SLC12A2: variants seen among roughly 807,000 people sequenced by gnomAD.
SLC12A2 encodes Na-K-2Cl cotransporter 1.
In SLC12A2, 67 loss-of-function variants were observed where a neutral mutation model predicts 136.3. The observed-to-expected ratio is 0.49, with a 90% CI of 0.40 to 0.60. The LOEUF (loss-of-function observed/expected upper bound fraction) is 0.60. Ranked by LOEUF, SLC12A2 falls within the 20% of genes least tolerant of loss-of-function variation. The pLI, the probability that SLC12A2 is intolerant of heterozygous loss-of-function variation, is 0.00. For missense variants in SLC12A2, 1,322 were observed against 1,534.7 expected (o/e 0.86, Z 2.32); for synonymous variants, 619 against 562.9 (o/e 1.10, Z -1.41).
rs17164283 is a variant in SLC12A2 at position 128,185,167 on chromosome 5, C to T, written c.3503+311C>T. On this transcript the variant is annotated intron_variant, in intron 26 of 26. Coordinates refer to ENST00000262461, the MANE Select transcript of SLC12A2 (RefSeq NM_001046.3). ...AACACTACAGCATAGCCGTTAAGCA[C>T]GTGTGGATAGGAGGGTCCTACGTTA... 4.7e-3 allele frequency among the ~76,000 whole-genome samples: 709 copies of T among 152,176 alleles called. 5 individuals are homozygous for T. The highest frequency in any genetic ancestry group is 0.016 in the African/African-American group (679 of 41,532).
chr5:128,086,445 C>T (rs1376155140), intron 1 of SLC12A2, among the ~76,000 whole-genome samples: 2 of 152,030 alleles, frequency 1.3e-5, no homozygotes, highest in Non-Finnish European at 2.9e-5. Flanking sequence ...AGAAAAAAAG[C>T]GCAATAAAAA....
At chr5:128,142,381 G>T (rs988409947) in intron 10 of SLC12A2, among the ~76,000 whole-genome samples, 1 of 152,206 alleles carries the variant, frequency 6.6e-6, no homozygotes, top group African/African-American at 2.4e-5. Context: ...GGGATGGCAG[G>T]TGTGAGCCAC....
At position 128,142,142 on chromosome 5, in the gene SLC12A2, G is replaced by A. The variant is rs193215672; in HGVS notation, c.1773+161G>A. ...TCTTGAGATAGAGTCTCACTCTGTC[G>A]CCCAGGCTGTAGTGCGGTGGTGCTA... On this transcript the variant is annotated intron_variant, in intron 10 of 26. Transcript: ENST00000262461. 3.8e-4 allele frequency among the ~76,000 whole-genome samples: 57 copies of A among 151,968 alleles called. No individual in the cohort carries two copies. In the South Asian group the frequency reaches 8.7e-3, roughly 23 times the overall value.
Position 128,161,817 on chromosome 5 carries a change from T to C in SLC12A2, c.2616+17T>C. 7.2e-7 allele frequency: 1 copy of C among 1,394,224 alleles called. No individual in the cohort carries two copies. The highest frequency in any genetic ancestry group is 9.4e-7 in the Non-Finnish European group (1 of 1,066,102). The allele number at this position is 1,394,224 out of a possible 1,614,324, so 86.4% of individuals were successfully genotyped here. On this transcript the variant is annotated intron_variant, in intron 17 of 26. Transcript: ENST00000262461. ...TTGATGCAGGTAACTTTGTTAATGC[T>C]TTTCAAATGCCTACATTTTAGATTT... is the stretch of plus-strand genomic sequence containing the variant.
chr5:128,105,099 T>C (rs1031826268), intron 1 of SLC12A2, among the ~76,000 whole-genome samples: 5 of 152,218 alleles, frequency 3.3e-5, no homozygotes, highest in Non-Finnish European at 5.9e-5. Context: ...AATTTCCCTC[T>C]CCATTTTGAC....
Position 128,083,818 on chromosome 5 carries a change from C to A in SLC12A2, c.-137C>A. On this transcript the variant is annotated 5_prime_UTR_variant, in exon 1 of 27. Transcript: ENST00000262461. ...TGGCCTCTGTGGCCGTCCAGGCTAGCGGCGGCCCGCAGGCGGCGGGGAGAA... is the reference window on the plus strand; with the variant it reads ...TGGCCTCTGTGGCCGTCCAGGCTAGAGGCGGCCCGCAGGCGGCGGGGAGAA... 1.6e-6 allele frequency: 1 copy of A among 644,456 alleles called. No individual in the cohort carries two copies. The highest frequency in any genetic ancestry group is 2.2e-6 in the Non-Finnish European group (1 of 458,716). The allele number at this position is 644,456 out of a possible 1,614,324, so 39.9% of individuals were successfully genotyped here. A position where few individuals can be genotyped will look rare whatever the true frequency, so the allele number is the denominator to read the frequency against.
intron 1 of SLC12A2, among the ~76,000 whole-genome samples, chr5:128,085,676 G>C (rs1462343650): frequency 6.6e-6 from 1 of 152,174 alleles, no homozygotes; most frequent in Non-Finnish European, 1.5e-5. Flanking sequence ...ATTTGTGAAC[G>C]CAAGAGGATG....
At chr5:128,102,596 C>CCCT (rs1561657602) in intron 1 of SLC12A2, among the ~76,000 whole-genome samples, 2 of 40,450 alleles carry the variant, frequency 4.9e-5, no homozygotes, top group Non-Finnish European at 4.9e-5. Context: ...CCCCCCCCGC[C>CCCT]TTTTTTTTTT....
intron 23 of SLC12A2, among the ~76,000 whole-genome samples, chr5:128,181,476 T>A (rs551067497): frequency 6.6e-6 from 1 of 152,336 alleles, no homozygotes; most frequent in African/African-American, 2.4e-5. Flanking sequence ...CTGTAACATG[T>A]ATATTGTACA....
At position 128,138,530 on chromosome 5, in the gene SLC12A2, C is replaced by A. The variant is rs1392707195; in HGVS notation, c.1409-67C>A. On this transcript the variant is annotated intron_variant, in intron 7 of 26. Coordinates refer to ENST00000262461, the MANE Select transcript of SLC12A2 (RefSeq NM_001046.3). ...TTAGGGGTCATGTATACCTATTATT[C>A]TTGACCTCAGTTATTATAGTCTAAT... The A allele has an allele frequency of 4.1e-6, 6 of 1,450,678 alleles. No homozygotes were observed. In the South Asian group the frequency reaches 6.7e-5, roughly 16 times the overall value. 89.9% of individuals were successfully genotyped at this position (1,450,678 alleles called of 1,614,324 possible).
intron 16 of SLC12A2, among the ~76,000 whole-genome samples, chr5:128,160,993 C>G (rs1051394472): frequency 4.6e-5 from 7 of 152,080 alleles, no homozygotes; most frequent in Non-Finnish European, 7.4e-5. Context: ...AAGACATTTA[C>G]AAATGAGACA....
chr5:128,154,069 A>C (rs943268632), intron 15 of SLC12A2, among the ~76,000 whole-genome samples: 8 of 73,984 alleles, frequency 1.1e-4, no homozygotes, highest in African/African-American at 5.3e-4. Flanking sequence ...AAAAAAAAAC[A>C]AAAAAAAAAA....
At chr5:128,119,435 C>T (rs1761472453) in intron 4 of SLC12A2, among the ~76,000 whole-genome samples, 2 of 152,184 alleles carry the variant, frequency 1.3e-5, no homozygotes, top group Non-Finnish European at 2.9e-5. Context: ...CAGCTTTCTA[C>T]ATGTGGCTAT....
chr5:128,160,920 T>C (rs1246457623), intron 16 of SLC12A2, among the ~76,000 whole-genome samples: 1 of 151,964 alleles, frequency 6.6e-6, no homozygotes, highest in Non-Finnish European at 1.5e-5. Context: ...CTGACCCCAC[T>C]TGGGACTTGT....
intron 4 of SLC12A2, among the ~76,000 whole-genome samples, chr5:128,130,050 T>G (rs1761958055): frequency 6.6e-6 from 1 of 151,796 alleles, no homozygotes; most frequent in African/African-American, 2.4e-5. Flanking sequence ...TTTTTTTTGG[T>G]CTTGGTATTC....
intron 1 of SLC12A2, among the ~76,000 whole-genome samples, chr5:128,086,394 C>T (rs1036043879): frequency 2.0e-5 from 3 of 152,096 alleles, no homozygotes; most frequent in African/African-American, 7.2e-5. Context: ...AGAAATCACC[C>T]AACCTCTTAG....
intron 11 of SLC12A2, among the ~76,000 whole-genome samples, chr5:128,147,990 G>T (rs1218684546): frequency 6.6e-6 from 1 of 151,426 alleles, no homozygotes; most frequent in Non-Finnish European, 1.5e-5. Context: ...TTGCTTTTTT[G>T]ACATTTTTAG....
At position 128,160,169 on chromosome 5, in the gene SLC12A2, A is replaced by G. The variant is rs1436580553; in HGVS notation, c.2476-1491A>G. Among the ~76,000 whole-genome samples, 4 of 152,184 alleles carry G rather than the reference A, an allele frequency of 2.6e-5. No homozygotes were observed. In the East Asian group the frequency reaches 5.8e-4, roughly 22 times the overall value. On this transcript the variant is annotated intron_variant, in intron 16 of 26. Coordinates refer to ENST00000262461, the MANE Select transcript of SLC12A2 (RefSeq NM_001046.3). ...AACCAAATACTGTATGTTCTCACTC[A>G]TAAGTGGGAGTTGAACAATGAGAAC...
At chr5:128,154,037 A>G (rs1216141068) in intron 15 of SLC12A2, among the ~76,000 whole-genome samples, 2 of 148,640 alleles carry the variant, frequency 1.3e-5, no homozygotes, top group South Asian at 2.1e-4. Context: ...CCAAAAGCCT[A>G]TGTTTATTTG....
Sources: allele counts gnomAD v4.1 joint callset (sites outside exome capture counted in the v4.1 genomes callset), GRCh38; gene constraint gnomAD v4.1.1; transcripts MANE v1.5; gene names NCBI Gene and HGNC (gene_info 2026-07-23, HGNC 2026-07-21).